AHCTF1: variants seen among roughly 807,000 people sequenced by gnomAD.
AHCTF1 encodes the protein AT-hook containing transcription factor 1, also known as protein ELYS.
A neutral mutation model predicts 248.4 loss-of-function variants in AHCTF1; 24 were observed. That is an observed-to-expected ratio of 0.10 (90% CI 0.07 to 0.14). The LOEUF is 0.14. Ranked by LOEUF, AHCTF1 falls within the 10% of genes least tolerant of loss-of-function variation. The pLI, the probability that AHCTF1 is intolerant of heterozygous loss-of-function variation, is 1.00. For synonymous variants in AHCTF1, 786 were observed against 929.8 expected, an observed-to-expected ratio of 0.85 and a Z score of 2.81; for missense variants, 2,206 against 2,636.2, an observed-to-expected ratio of 0.84 and a Z score of 3.57.
chr1:246,845,259 CAGT>C (rs1019882519), intron 33 of AHCTF1, among the ~76,000 whole-genome samples: 31 of 150,678 alleles, frequency 2.1e-4, no homozygotes, highest in Non-Finnish European at 4.1e-4. Flanking sequence ...TGTGGGTACA[CAGT>C]AGGTGTATAT....
rs750864401 is a variant in AHCTF1 at position 246,850,365 on chromosome 1, T to C, written c.5641A>G (p.Asn1881Asp). ...TPRRIKRSVE[N>D]QESVEIINDL... is the part of the protein sequence containing the mutation. ...TTTATAATTTCAACACTTTCCTGAT[T>C]TTCTACAGATCTTTTAATTCTTCTA... Residue 1881 changes from asparagine (N) to aspartate (D), a missense_variant, in exon 33 of 36, where the codon AAT becomes GAT. Physicochemically the swap from Asn to Asp is conservative, Grantham distance 23. Around this residue, in one of 6 missense-constraint regions of AHCTF1, gnomAD observed 469 missense variants for 470.0 expected, o/e 1.00. Transcript: ENST00000648844. 29 of 1,612,342 alleles carry C rather than the reference T, an allele frequency of 1.8e-5. No homozygotes were observed. The highest frequency in any genetic ancestry group is 2.3e-5 in the Non-Finnish European group (27 of 1,179,456).
intron 24 of AHCTF1, among the ~76,000 whole-genome samples, chr1:246,874,555 CA>C (rs926183348): frequency 6.6e-6 from 1 of 151,950 alleles, no homozygotes; most frequent in African/African-American, 2.4e-5. Context: ...AACGGCCACC[CA>C]AAAAAATATA....
chr1:246,916,402 G>A lies in AHCTF1; in HGVS notation c.122-7C>T, dbSNP rs1264535970. The A allele has an allele frequency of 1.7e-5, 27 of 1,584,966 alleles. No individual in the cohort carries two copies. The highest frequency in any genetic ancestry group is 5.6e-5 in the Admixed American group (3 of 53,622). On this transcript the variant is annotated splice_polypyrimidine_tract_variant and splice_region_variant and intron_variant, in intron 2 of 35. Coordinates refer to ENST00000648844, the MANE Select transcript of AHCTF1 (RefSeq NM_001323342.2). The stretch of plus-strand genomic sequence containing the variant: ...CAAGCAAGTCCATTTTTCCCTAGAA[G>A]AAAAAAAAATTGCCTATTTTAATAT...
At chr1:246,845,321 T>G (rs1660173517) in intron 33 of AHCTF1, among the ~76,000 whole-genome samples, 1 of 151,936 alleles carries the variant, frequency 6.6e-6, no homozygotes, top group African/African-American at 2.4e-5. Flanking sequence ...ATAAAAATGT[T>G]TTTTGTGGGT....
At chr1:246,931,175 G>A (rs1667329436) in intron 1 of AHCTF1, 5 of 1,550,354 alleles carry the variant, frequency 3.2e-6, no homozygotes, top group Non-Finnish European at 4.4e-6. Context: ...ACACAGGACA[G>A]GCTCAGCACG....
At chr1:246,865,881 T>C (rs2103076375) in intron 26 of AHCTF1, among the ~76,000 whole-genome samples, 1 of 152,298 alleles carries the variant, frequency 6.6e-6, no homozygotes, top group South Asian at 2.1e-4. Flanking sequence ...CATTACTATC[T>C]GCAAGGTTAT....
rs182811610 is a variant in AHCTF1, at chr1:246,894,117, T to C, written c.1804+542A>G. 6.6e-5 allele frequency among the ~76,000 whole-genome samples: 10 copies of C among 152,186 alleles called. No individual in the cohort carries two copies. In the South Asian group the frequency reaches 8.3e-4, roughly 13 times the overall value. Reference sequence around the variant, plus strand: ...TACTCAGGAGGCTGAGGCAGGAGGATGACTTGGGCTCAAAAAGTCAAGGCT... The same window carrying C: ...TACTCAGGAGGCTGAGGCAGGAGGACGACTTGGGCTCAAAAAGTCAAGGCT... On this transcript the variant is annotated intron_variant, in intron 14 of 35. Transcript: ENST00000648844.
rs555468349 is a variant in AHCTF1 at position 246,900,015 on chromosome 1, T to C, written c.1432+50A>G. ...AAACTACACAACGTATACATTTACA[T>C]ACTTTTGTGCATTACTTTTCTTAAG... is the stretch of plus-strand genomic sequence containing the variant. On this transcript the variant is annotated intron_variant, in intron 10 of 35. Coordinates refer to ENST00000648844, the MANE Select transcript of AHCTF1 (RefSeq NM_001323342.2). 169 of 1,506,862 alleles carry C rather than the reference T, an allele frequency of 1.1e-4. 1 individual carries two copies. The South Asian group carries it at 1.9e-3, about 17-fold the overall frequency. 93.3% of individuals were successfully genotyped at this position (1,506,862 alleles called of 1,614,324 possible).
chr1:246,908,614 A>G (rs1052727282), intron 4 of AHCTF1, among the ~76,000 whole-genome samples: 7 of 151,912 alleles, frequency 4.6e-5, no homozygotes, highest in Admixed American at 3.9e-4. Flanking sequence ...TAGGCCGGGC[A>G]CGGTGGCTCA....
chr1:246,880,307 G>A (rs898969001), intron 21 of AHCTF1, among the ~76,000 whole-genome samples: 3 of 151,824 alleles, frequency 2.0e-5, no homozygotes, highest in Non-Finnish European at 4.4e-5. Context: ...GCTCACGCCT[G>A]TAATCCCAGC....
At chr1:246,869,143 G>A (rs530382245) in intron 24 of AHCTF1, among the ~76,000 whole-genome samples, 48 of 151,928 alleles carry the variant, frequency 3.2e-4, no homozygotes, top group South Asian at 6.2e-4. Context: ...ACGCCCGGCC[G>A]TGTGTTTTGT....
Position 246,843,817 on chromosome 1 carries a change from T to C in AHCTF1, c.6503A>G (p.Lys2168Arg), listed in dbSNP as rs751990889. ...TACCAGTTCATCTTCAAGCTTGTTC[T>C]TATTGGATGTGTTTTTTTGTCTGCT... Reference protein sequence around the residue: ...LRSRQKNTSNKNKLEDELKDD... With the variant: ...LRSRQKNTSNRNKLEDELKDD... The change falls in exon 34 of 36, where the codon AAG becomes AGG. Residue 2168 changes from lysine to arginine, a missense_variant. Lys to Arg is a conservative substitution (Grantham distance 26). Coordinates refer to ENST00000648844, the MANE Select transcript of AHCTF1 (RefSeq NM_001323342.2). The C allele has an allele frequency of 6.8e-7, 1 of 1,464,236 alleles. No homozygotes were observed. Among genetic ancestry groups the C allele is most frequent in the Non-Finnish European group, 9.0e-7 (1 of 1,106,152 alleles). 90.7% of individuals were successfully genotyped at this position (1,464,236 alleles called of 1,614,324 possible).
At chr1:246,855,685 A>C in intron 31 of AHCTF1, 45 bp downstream of exon 31, 1 of 1,488,938 alleles carries the variant, frequency 6.7e-7, no homozygotes, top group Non-Finnish European at 9.2e-7. Flanking sequence ...CTTCACTCAA[A>C]ACACAAAAAT....
intron 4 of AHCTF1, among the ~76,000 whole-genome samples, chr1:246,909,545 T>C (rs1396481727): frequency 1.3e-5 from 2 of 152,106 alleles, no homozygotes; most frequent in African/African-American, 2.4e-5. Flanking sequence ...GGTTCTCAGA[T>C]CAACTGTCGC....
chr1:246,883,149 G>C (rs906265829), intron 21 of AHCTF1, among the ~76,000 whole-genome samples: 2 of 152,234 alleles, frequency 1.3e-5, no homozygotes, highest in Non-Finnish European at 2.9e-5. Context: ...CCAGAAGGGT[G>C]AGTCCGGGGA....
chr1:246,875,872 G>C (rs1039966544), intron 24 of AHCTF1, among the ~76,000 whole-genome samples, 165 bp downstream of exon 24: 2 of 152,210 alleles, frequency 1.3e-5, no homozygotes, highest in Non-Finnish European at 2.9e-5. Context: ...GCTTTCTCGT[G>C]ATAGTCACTT....
At chr1:246,841,194 A>T (rs2103023942) in intron 35 of AHCTF1, among the ~76,000 whole-genome samples, 196 bp from the exon 36 acceptor site, 1 of 152,368 alleles carries the variant, frequency 6.6e-6, no homozygotes, top group Middle Eastern at 3.4e-3. Flanking sequence ...GGTTTCATTA[A>T]GGGGAATTTT....
chr1:246,911,479 C>CTTTTTTTTTT (rs35320501), intron 4 of AHCTF1, among the ~76,000 whole-genome samples: 1 of 99,490 alleles, frequency 1.0e-5, no homozygotes, highest in African/African-American at 3.9e-5. Flanking sequence ...TATGAAGATT[C>CTTTTTTTTTT]TTTTTTTTTT....
intron 1 of AHCTF1, among the ~76,000 whole-genome samples, chr1:246,925,778 C>A (rs1666880900): frequency 6.6e-6 from 1 of 152,068 alleles, no homozygotes; most frequent in Admixed American, 6.5e-5. Context: ...GTAATGAATT[C>A]ACATGAGATC....
Sources: allele counts gnomAD v4.1 joint callset (sites outside exome capture counted in the v4.1 genomes callset), GRCh38; gene constraint gnomAD v4.1.1; regional missense constraint gnomAD v4.1.1; transcripts MANE v1.5; gene names NCBI Gene and HGNC (gene_info 2026-07-23, HGNC 2026-07-21).